Variants in DCLK3 observed in about 807,000 individuals in gnomAD.
The protein encoded by DCLK3 is doublecortin like kinase 3, also known as serine/threonine-protein kinase DCLK3.
In DCLK3, 30 loss-of-function variants were observed where a neutral mutation model predicts 46.4. The observed-to-expected ratio is 0.65, with a 90% confidence interval of 0.48 to 0.88. DCLK3 has a LOEUF of 0.88. Ranked by LOEUF, DCLK3 falls within the 40% of genes least tolerant of loss-of-function variation. The probability of loss-of-function intolerance (pLI) is 0.00; values close to 1 mark genes in which losing one functional copy is unlikely to be tolerated. For missense variants in DCLK3, 846 were observed against 907.1 expected (o/e 0.93, Z 0.87); for synonymous variants, 401 against 339.2 (o/e 1.18, Z -2.00).
At chr3:36,748,697 C>T (rs1312652969) in intron 1 of DCLK3, among the ~76,000 whole-genome samples, 3 of 152,136 alleles carry the variant, frequency 2.0e-5, no homozygotes, top group Non-Finnish European at 4.4e-5. Flanking sequence ...AGGCCTCGGA[C>T]CTGCCAGCGA....
rs549281210 is a variant in DCLK3 at position 36,721,714 on chromosome 3, G to A, written c.1960-55C>T. ...AAAATTGTGATTAGAACAAAGAAGG[G>A]ATACTAATGAAACAACAGCCATGCA... On this transcript the variant is annotated intron_variant, in intron 2 of 4. Transcript: ENST00000636136. 197 of 1,608,578 alleles carry A rather than the reference G, an allele frequency of 1.2e-4. 2 individuals are homozygous for A. In the South Asian group the frequency reaches 2.0e-3, roughly 16 times the overall value.
chr3:36,740,944 T>C (rs1398724107), intron 1 of DCLK3, among the ~76,000 whole-genome samples: 1 of 152,264 alleles, frequency 6.6e-6, no homozygotes, highest in East Asian at 1.9e-4. Context: ...AATTATAATG[T>C]ACAATCTGTT....
chr3:36,738,937 C>T lies in DCLK3; in HGVS notation c.230G>A (p.Cys77Tyr). 2.5e-6 allele frequency: 1 copy of T among 407,504 alleles called. No homozygotes were observed. The highest frequency in any genetic ancestry group is 3.6e-5 in the East Asian group (1 of 28,096). 25.2% of individuals were successfully genotyped at this position (407,504 alleles called of 1,614,324 possible). A position where few individuals can be genotyped will look rare whatever the true frequency, so the allele number is the denominator to read the frequency against. The part of the protein sequence containing the change: ...GPRGPVVPLF[C>Y]PRNGLHSAHP... ...TGCTGAGTGAAGGCCATTCCGAGGG[C>T]AGAACAAGGGCACGACGGGGCCACG... Residue 77 changes from cysteine to tyrosine, a missense_variant, in exon 2 of 5, where the codon TGC becomes TAC. Around this residue, in one of 3 missense-constraint regions of DCLK3, gnomAD observed 553 missense variants for 543.0 expected, o/e 1.02. Coordinates refer to ENST00000636136, the MANE Select transcript of DCLK3 (RefSeq NM_001394672.2).
chr3:36,750,747 G>A (rs992855208), intron 1 of DCLK3, among the ~76,000 whole-genome samples: 6 of 152,160 alleles, frequency 3.9e-5, no homozygotes, highest in African/African-American at 1.4e-4. Flanking sequence ...ACTAGCCCAA[G>A]GCCACACAGC....
rs755873787 is a variant in DCLK3 at position 36,737,998 on chromosome 3, A to G, written c.1169T>C (p.Met390Thr). 2 of 1,613,936 alleles carry G rather than the reference A, an allele frequency of 1.2e-6. No homozygotes were observed. Among genetic ancestry groups the G allele is most frequent in the Non-Finnish European group, 8.5e-7 (1 of 1,179,996 alleles). Reference sequence around the variant, plus strand: ...TGGGCCTCTGTCCTCTTTCTTGTCCATGCTCTTGCTGGGTCTCCTCAGCTC... The same window carrying G: ...TGGGCCTCTGTCCTCTTTCTTGTCCGTGCTCTTGCTGGGTCTCCTCAGCTC... ...TQELRRPSKS[M>T]DKKEDRGPED... Residue 390 changes from methionine to threonine, a missense_variant, in exon 2 of 5, where the codon ATG becomes ACG. Met to Thr is a moderately conservative substitution (Grantham distance 81). Transcript: ENST00000636136. This position sits in a 1 kb window ranked among gnomAD's most constrained non-coding sequence, Gnocchi z 4.4.
intron 1 of DCLK3, among the ~76,000 whole-genome samples, chr3:36,758,147 G>A (rs1485573780): frequency 4.6e-5 from 7 of 152,120 alleles, no homozygotes; most frequent in Non-Finnish European, 1.0e-4. Context: ...CAAATTCCAG[G>A]AGATCCTCAA....
At chr3:36,721,276 AATAAAC>A (rs1701051001) in intron 3 of DCLK3, among the ~76,000 whole-genome samples, 2 of 76,994 alleles carry the variant, frequency 2.6e-5, no homozygotes, top group Admixed American at 1.8e-4. Flanking sequence ...GCCTAAACAC[AATAAAC>A]ACACACACAC....
intron 4 of DCLK3, among the ~76,000 whole-genome samples, chr3:36,717,514 T>C (rs979733141): frequency 2.6e-5 from 4 of 152,136 alleles, no homozygotes; most frequent in African/African-American, 7.2e-5. Context: ...AGGATTTCAT[T>C]TGGAATCAAA....
intron 1 of DCLK3, among the ~76,000 whole-genome samples, chr3:36,761,369 T>G (rs1485469019): frequency 6.6e-6 from 1 of 152,168 alleles, no homozygotes; most frequent in Non-Finnish European, 1.5e-5. Context: ...GTTCAGTGAC[T>G]TGCCCCAGGT....
chr3:36,757,065 G>C (rs1701492116), intron 1 of DCLK3, among the ~76,000 whole-genome samples: 1 of 151,970 alleles, frequency 6.6e-6, no homozygotes, highest in Non-Finnish European at 1.5e-5. Flanking sequence ...CCATCAGTTG[G>C]TGCATTAGGT....
intron 1 of DCLK3, among the ~76,000 whole-genome samples, chr3:36,748,496 G>A (rs1701412113): frequency 6.6e-6 from 1 of 152,184 alleles, no homozygotes; most frequent in African/African-American, 2.4e-5. Flanking sequence ...AGAGGAGGTT[G>A]ATGAGGGGCC....
Position 36,737,852 on chromosome 3 carries a change from TCCTG to T in DCLK3, c.1311_1314del (p.Ser437ArgfsTer9). On this transcript the variant is annotated frameshift_variant, in exon 2 of 5. Transcript: ENST00000636136. LOFTEE classifies it high-confidence loss of function. This position sits in a 1 kb window ranked among gnomAD's most constrained non-coding sequence, Gnocchi z 4.4. The stretch of plus-strand genomic sequence containing the variant: ...CTCAGGAGCCAGCCACCATGTTTGC[TCCTG>T]CTCATGGGCCTGGTGTCCTTCTTCA... 1 of 1,613,972 alleles carries T rather than the reference TCCTG, an allele frequency of 6.2e-7. No individual in the cohort carries two copies. The highest frequency in any genetic ancestry group is 8.5e-7 in the Non-Finnish European group (1 of 1,180,018).
intron 1 of DCLK3, among the ~76,000 whole-genome samples, chr3:36,742,216 G>C (rs1371615376): frequency 6.6e-6 from 1 of 152,136 alleles, no homozygotes; most frequent in African/African-American, 2.4e-5. Context: ...CCCAAACATT[G>C]GAACTGTAGA....
At chr3:36,720,468 T>C (rs1701040424) in intron 3 of DCLK3, among the ~76,000 whole-genome samples, 1 of 151,334 alleles carries the variant, frequency 6.6e-6, no homozygotes, top group South Asian at 2.1e-4. Context: ...TCCATGTCTC[T>C]AACACCTGAC....
chr3:36,752,780 A>C lies in DCLK3; in HGVS notation c.82+11402T>G, dbSNP rs147197994. On this transcript the variant is annotated intron_variant, in intron 1 of 4. Transcript: ENST00000636136. ...CACCATTGATATGACAATTTACTTG[A>C]AGCTTTAACCTGTTTCCCCAACTCT... 2.6e-3 allele frequency among the ~76,000 whole-genome samples: 401 copies of C among 152,298 alleles called. 5 individuals carry two copies. The highest frequency in any genetic ancestry group is 0.016 in the East Asian group (83 of 5,182).
At chr3:36,761,868 C>T (rs1393287572) in intron 1 of DCLK3, among the ~76,000 whole-genome samples, 4 of 152,188 alleles carry the variant, frequency 2.6e-5, no homozygotes, top group African/African-American at 9.7e-5. Context: ...CAAAGCAGCC[C>T]TTTTCCTCCC....
intron 1 of DCLK3, among the ~76,000 whole-genome samples, chr3:36,754,974 A>G (rs1220394221): frequency 2.6e-5 from 4 of 152,244 alleles, no homozygotes; most frequent in Non-Finnish European, 5.9e-5. Flanking sequence ...TGAATTTTCT[A>G]TATGTATAGT....
chr3:36,742,825 G>A (rs997764938), intron 1 of DCLK3, among the ~76,000 whole-genome samples: 1 of 152,182 alleles, frequency 6.6e-6, no homozygotes, highest in Non-Finnish European at 1.5e-5. Context: ...AGCAGAAAGA[G>A]CACAGCATAT....
In DCLK3 at chr3:36,717,256, C is replaced by T. The variant is rs112881372; in HGVS notation, c.2260+754G>A. 4.8e-3 allele frequency among the ~76,000 whole-genome samples: 734 copies of T among 152,244 alleles called. 6 individuals are homozygous for T. The highest frequency in any genetic ancestry group is 0.017 in the African/African-American group (698 of 41,518). On this transcript the variant is annotated intron_variant, in intron 4 of 4. Coordinates refer to ENST00000636136, the MANE Select transcript of DCLK3 (RefSeq NM_001394672.2). The stretch of plus-strand genomic sequence containing the variant: ...TCAGCCTCCAGAGCAACTGGGACCA[C>T]CCCTGGCTAATTTGTTTCATTTTTT...
Sources: gnomAD v4.1 joint callset for allele counts (sites outside exome capture counted in the v4.1 genomes callset) on GRCh38, gnomAD v4.1.1 for gene constraint, gnomAD v4.1.1 regional missense constraint, Gnocchi (gnomAD v3.1) non-coding constraint, MANE v1.5 for transcripts, NCBI Gene and HGNC (gene_info 2026-07-23, HGNC 2026-07-21) for gene names.